SPATA31H1: variants seen among roughly 807,000 people sequenced by gnomAD.
The protein encoded by SPATA31H1 is spermatogenesis-associated protein 31H1.
At chr2:27,545,025 ATTT>A in the SPATA31H1 span, among the ~76,000 whole-genome samples, 36 of 146,738 alleles carry the variant, frequency 2.5e-4, 2 homozygotes, top group African/African-American at 8.3e-4. Flanking sequence ...AAAAAGTCAA[ATTT>A]TTTTTTTTTT....
the SPATA31H1 span, chr2:27,578,257 A>C: frequency 1.2e-6 from 2 of 1,614,198 alleles, no homozygotes; most frequent in African/African-American, 1.3e-5. Flanking sequence ...TGTTTGCAAG[A>C]TGTGAAATCT....
At chr2:27,552,978 C>T in the SPATA31H1 span, among the ~76,000 whole-genome samples, 1 of 152,040 alleles carries the variant, frequency 6.6e-6, no homozygotes, top group African/African-American at 2.4e-5. Context: ...CTTTTCCTTG[C>T]CTAATTGCTC....
At chr2:27,564,583 G>C in the SPATA31H1 span, among the ~76,000 whole-genome samples, 1 of 152,218 alleles carries the variant, frequency 6.6e-6, no homozygotes, top group African/African-American at 2.4e-5. Context: ...TTGGGAGGCC[G>C]AGGTGGGCGG....
At chr2:27,576,755 A>C in the SPATA31H1 span, 1 of 1,614,050 alleles carries the variant, frequency 6.2e-7, no homozygotes, top group Admixed American at 1.7e-5. Flanking sequence ...AGGATGTGAA[A>C]TCTTTGGAGT....
At chr2:27,539,349 T>C in the SPATA31H1 span, among the ~76,000 whole-genome samples, 1 of 143,512 alleles carries the variant, frequency 7.0e-6, no homozygotes, top group East Asian at 2.0e-4. Flanking sequence ...AAGCATCTGT[T>C]TAACAAAGCA....
the SPATA31H1 span, among the ~76,000 whole-genome samples, chr2:27,541,519 G>C: frequency 3.3e-5 from 5 of 152,012 alleles, no homozygotes; most frequent in African/African-American, 4.8e-5. Context: ...CTGGCATATA[G>C]TAAGTGCTCC....
the SPATA31H1 span, among the ~76,000 whole-genome samples, chr2:27,550,870 TTTTG>T: frequency 2.0e-5 from 3 of 151,842 alleles, no homozygotes; most frequent in African/African-American, 7.3e-5. Context: ...TTCATGATGC[TTTTG>T]TTTATTTTCT....
the SPATA31H1 span, chr2:27,582,529 G>A: frequency 6.3e-7 from 1 of 1,589,812 alleles, no homozygotes; most frequent in Non-Finnish European, 8.6e-7. Flanking sequence ...ACTCGATGAG[G>A]CGAGGTCCGC....
At chr2:27,578,799 T>C in the SPATA31H1 span, 45 of 1,614,126 alleles carry the variant, frequency 2.8e-5, no homozygotes, top group African/African-American at 4.5e-4. Context: ...CATTTCAAGC[T>C]CTGTCAGAAC....
the SPATA31H1 span, among the ~76,000 whole-genome samples, chr2:27,537,917 G>A: frequency 0.041 from 6,200 of 152,252 alleles, 437 homozygotes; most frequent in African/African-American, 0.14. Context: ...CCACCTGGGA[G>A]AGCTCAGGTT....
chr2:27,556,086 C>T, the SPATA31H1 span, among the ~76,000 whole-genome samples: 3,945 of 146,544 alleles, frequency 0.027, 197 homozygotes, highest in African/African-American at 0.096. Context: ...GAGCCGAGAT[C>T]GCGCCACTGC....
the SPATA31H1 span, chr2:27,568,161 T>C: frequency 2.5e-6 from 1 of 398,876 alleles, no homozygotes; most frequent in Non-Finnish European, 4.4e-6. Context: ...ATCACATCCA[T>C]GTATAGAATC....
At chr2:27,561,064 C>G in the SPATA31H1 span, among the ~76,000 whole-genome samples, 2 of 152,214 alleles carry the variant, frequency 1.3e-5, no homozygotes, top group East Asian at 3.9e-4. Context: ...TTCTGAGGAG[C>G]CTGGCACAGT....
chr2:27,561,545 T>G, the SPATA31H1 span, among the ~76,000 whole-genome samples: 2 of 152,328 alleles, frequency 1.3e-5, no homozygotes, highest in Non-Finnish European at 2.9e-5. Context: ...CTTAAGGAGT[T>G]CTCTGCTCTA....
At chr2:27,581,935 A>G in the SPATA31H1 span, 1,449 of 1,469,186 alleles carry the variant, frequency 9.9e-4, 12 homozygotes, top group African/African-American at 0.018. Context: ...CCCTCAGAGA[A>G]AAGCCATCAC....
chr2:27,537,484 T>C, the SPATA31H1 span: 1 of 717,442 alleles, frequency 1.4e-6, no homozygotes, highest in Non-Finnish European at 2.6e-6. Context: ...CCTTCTATTA[T>C]TGTTTGTTTT....
the SPATA31H1 span, among the ~76,000 whole-genome samples, chr2:27,544,035 T>C: frequency 2.6e-5 from 4 of 152,028 alleles, no homozygotes; most frequent in African/African-American, 4.8e-5. Flanking sequence ...AAGGCCTGGC[T>C]ACCTTCTTTG....
At chr2:27,581,976 T>C in the SPATA31H1 span, 15 of 1,613,452 alleles carry the variant, frequency 9.3e-6, no homozygotes, top group Non-Finnish European at 1.0e-5. Flanking sequence ...TCACAGTCCC[T>C]CTGAGAGAAG....
chr2:27,577,938 CA>C, the SPATA31H1 span: 1 of 1,614,112 alleles, frequency 6.2e-7, no homozygotes, highest in Non-Finnish European at 8.5e-7. The surrounding 1 kb of genome is among the most constrained non-coding windows in gnomAD (Gnocchi z 4.5). Context: ...GTCAAAGAAT[CA>C]AAGTATGAAA....
Sources: gnomAD v4.1 joint callset for allele counts (sites outside exome capture counted in the v4.1 genomes callset) on GRCh38, gnomAD v4.1.1 for gene constraint, Gnocchi (gnomAD v3.1) non-coding constraint, MANE v1.5 for transcripts, NCBI Gene and HGNC (gene_info 2026-07-23, HGNC 2026-07-21) for gene names.